SLC5A12: variants seen among roughly 807,000 people sequenced by gnomAD.
SLC5A12 encodes the protein solute carrier family 5 member 12, also known as sodium-coupled monocarboxylate transporter 2.
A neutral mutation model predicts 72.7 loss-of-function variants in SLC5A12; 46 were observed. The ratio of observed to expected loss-of-function variants is 0.63; its 90% CI spans 0.50 to 0.81. The LOEUF (loss-of-function observed/expected upper bound fraction) is 0.81, where lower values mean the gene tolerates loss of function less well. SLC5A12 is among the 30% of genes least tolerant of loss of function. SLC5A12 has a pLI of 0.00. For missense variants in SLC5A12, 683 were observed against 740.7 expected, an observed-to-expected ratio of 0.92 and a Z score of 0.90; for synonymous variants, 275 against 264.4, an observed-to-expected ratio of 1.04 and a Z score of -0.39.
At chr11:26,695,286 A>G (rs1438078862) in intron 8 of SLC5A12, among the ~76,000 whole-genome samples, 1 of 152,214 alleles carries the variant, frequency 6.6e-6, no homozygotes, top group Admixed American at 6.5e-5. Flanking sequence ...AGAATATAGA[A>G]TGTAATAAAA....
chr11:26,681,299 T>G, intron 11 of SLC5A12, 78 bp from the exon 12 acceptor site: 1 of 1,178,284 alleles, frequency 8.5e-7, no homozygotes, highest in Non-Finnish European at 1.1e-6. Flanking sequence ...AGGAGTTCTA[T>G]GCCTTAGAGA....
Position 26,673,407 on chromosome 11 carries a change from C to A in SLC5A12, c.1702G>T (p.Glu568Ter). Residue 568 changes from glutamate (E) to a stop codon, truncating the protein, a stop_gained, in exon 14 of 15, where the codon GAG becomes TAG. Coordinates refer to ENST00000396005, the MANE Select transcript of SLC5A12 (RefSeq NM_178498.4). LOFTEE classifies it low-confidence loss of function (END_TRUNC). The part of the protein sequence containing the change: ...WCGVQHDSGT[E>*]QENLENGSAR... ...AAGCTCAAACATCAGCTCACCTGCTCTGTCCCACTGTCATGCTGAACTCCA... is the reference window on the plus strand; with the variant it reads ...AAGCTCAAACATCAGCTCACCTGCTATGTCCCACTGTCATGCTGAACTCCA... 1 of 1,583,150 alleles carries A rather than the reference C, an allele frequency of 6.3e-7. No individual in the cohort carries two copies. The highest frequency in any genetic ancestry group is 1.8e-5 in the Admixed American group (1 of 55,260).
intron 13 of SLC5A12, among the ~76,000 whole-genome samples, chr11:26,674,187 A>ATTTTTTTTTTTTTTTTTTTTTTTTTTTTT (rs1204083888): frequency 1.3e-5 from 2 of 152,104 alleles, no homozygotes; most frequent in African/African-American, 4.8e-5. Context: ...ACTTATGCAA[A>ATTTTTTTTTTTTTTTTTTTTTTTTTTTTT]TTTTAAGTCA....
chr11:26,692,705 A>C, intron 8 of SLC5A12, 104 bp from the exon 9 acceptor site: 3 of 684,158 alleles, frequency 4.4e-6, no homozygotes, highest in Non-Finnish European at 7.7e-6. Context: ...CTCTAGAAAA[A>C]ACAGATGCAG....
In SLC5A12 at chr11:26,721,994, C is replaced by G. The variant is rs766231979; in HGVS notation, c.-280G>C. ...TAGCTAAGAGCTGTCTGCTCCTCTC[C>G]TAAAGCATATGCCACAGAGAAGGAA... On this transcript the variant is annotated 5_prime_UTR_variant, in exon 1 of 15. It removes the in-frame stop codon of an upstream open reading frame in the 5' UTR. Transcript: ENST00000396005. 76 of 417,662 alleles carry G rather than the reference C, an allele frequency of 1.8e-4. No homozygotes were observed. The highest frequency in any genetic ancestry group is 3.1e-4 in the Non-Finnish European group (72 of 233,220). The allele number at this position is 417,662 out of a possible 1,614,324, so 25.9% of individuals were successfully genotyped here.
intron 1 of SLC5A12, among the ~76,000 whole-genome samples, chr11:26,714,666 T>TA (rs998862680): frequency 6.6e-5 from 10 of 152,152 alleles, no homozygotes; most frequent in Non-Finnish European, 2.9e-5. Flanking sequence ...TTTTCTGAAT[T>TA]AAAAAAATCA....
intron 12 of SLC5A12, among the ~76,000 whole-genome samples, chr11:26,680,283 TTATATATATGTATATATATTCATA>T (rs199583180): frequency 0.014 from 1,056 of 74,802 alleles, 75 homozygotes; most frequent in Middle Eastern, 0.026. Flanking sequence ...TAGTGCTACT[TTATATATATGTATATATATTCATA>T]TATATATATG....
chr11:26,685,434 A>G (rs1381213705), intron 10 of SLC5A12, among the ~76,000 whole-genome samples: 1 of 152,096 alleles, frequency 6.6e-6, no homozygotes, highest in African/African-American at 2.4e-5. Context: ...AGTCTGGCAA[A>G]TATGGCGAAA....
intron 13 of SLC5A12, among the ~76,000 whole-genome samples, chr11:26,676,143 C>G (rs887839402): frequency 6.6e-6 from 1 of 152,096 alleles, no homozygotes; most frequent in Non-Finnish European, 1.5e-5. Flanking sequence ...CAGAGCTGCA[C>G]AATTCCTGAC....
At chr11:26,680,018 G>A (rs1197193716) in intron 12 of SLC5A12, among the ~76,000 whole-genome samples, 1 of 151,892 alleles carries the variant, frequency 6.6e-6, no homozygotes, top group Non-Finnish European at 1.5e-5. Context: ...GATTGACAAG[G>A]ACAATGGAGA....
At chr11:26,694,844 A>G (rs1307948203) in intron 8 of SLC5A12, among the ~76,000 whole-genome samples, 1 of 152,190 alleles carries the variant, frequency 6.6e-6, no homozygotes, top group African/African-American at 2.4e-5. Context: ...AAAATAATTT[A>G]TGTGAATATT....
At chr11:26,707,865 G>A (rs1855127662) in intron 4 of SLC5A12, among the ~76,000 whole-genome samples, 1 of 151,862 alleles carries the variant, frequency 6.6e-6, no homozygotes. Flanking sequence ...TCTTCAGTTG[G>A]ATTATTCCTC....
chr11:26,670,840 C>G lies in SLC5A12; in HGVS notation c.*262G>C. On this transcript the variant is annotated 3_prime_UTR_variant, in exon 15 of 15. Transcript: ENST00000396005. ...TCTTGAATGGTAATGAAATCCAGCC[C>G]TAATTTATTCAAGAAGGAAGTAGTC... 3.3e-6 allele frequency: 1 copy of G among 306,734 alleles called. No individual in the cohort carries two copies. Among genetic ancestry groups the G allele is most frequent in the Non-Finnish European group, 5.9e-6 (1 of 168,988 alleles). 19.0% of individuals were successfully genotyped at this position (306,734 alleles called of 1,614,324 possible).
chr11:26,704,984 G>A (rs1401418094), intron 4 of SLC5A12, among the ~76,000 whole-genome samples: 1 of 152,064 alleles, frequency 6.6e-6, no homozygotes, highest in African/African-American at 2.4e-5. Flanking sequence ...AGAGTTCCAG[G>A]AGGATGAATC....
rs763724205 is a variant in SLC5A12 at position 26,673,381 on chromosome 11, G to C, written c.1707+21C>G. On this transcript the variant is annotated intron_variant, in intron 14 of 14. Transcript: ENST00000396005. ...CCCTTTGAGTCCATACACATTTTTA[G>C]AAGCTCAAACATCAGCTCACCTGCT... 6 of 1,522,402 alleles carry C rather than the reference G, an allele frequency of 3.9e-6. No individual in the cohort carries two copies. The Admixed American group carries it at 6.4e-5, about 16-fold the overall frequency. The allele number at this position is 1,522,402 out of a possible 1,614,324, so 94.3% of individuals were successfully genotyped here. A position where few individuals can be genotyped will look rare whatever the true frequency, so the allele number is the denominator to read the frequency against.
At chr11:26,676,790 C>G (rs2133135717) in intron 13 of SLC5A12, among the ~76,000 whole-genome samples, 1 of 152,254 alleles carries the variant, frequency 6.6e-6, no homozygotes, top group African/African-American at 2.4e-5. Flanking sequence ...ATGATATAAA[C>G]TTCCTGGAGT....
intron 13 of SLC5A12, among the ~76,000 whole-genome samples, chr11:26,677,264 A>G (rs1272208586): frequency 6.6e-6 from 1 of 152,216 alleles, no homozygotes; most frequent in East Asian, 1.9e-4. Flanking sequence ...GAAAAAGAAA[A>G]CAAAGGGATT....
chr11:26,697,030 T>C, intron 8 of SLC5A12, 134 bp downstream of exon 8: 2 of 735,170 alleles, frequency 2.7e-6, no homozygotes. Context: ...TACCAATTAA[T>C]GAGCAAATAC....
At chr11:26,700,712 G>A (rs2133190135) in intron 6 of SLC5A12, among the ~76,000 whole-genome samples, 1 of 152,062 alleles carries the variant, frequency 6.6e-6, no homozygotes, top group East Asian at 1.9e-4. Context: ...GATAAACAAG[G>A]GATTAGAAAC....
Sources: allele counts gnomAD v4.1 joint callset (sites outside exome capture counted in the v4.1 genomes callset), GRCh38; gene constraint gnomAD v4.1.1; transcripts MANE v1.5; gene names NCBI Gene and HGNC (gene_info 2026-07-23, HGNC 2026-07-21).